The following THEMIS variants were observed in gnomAD, a reference collection of about 807,000 sequenced individuals.
THEMIS encodes the protein protein THEMIS.
Under a neutral mutation model 52.6 loss-of-function variants are expected in THEMIS, and 37 were observed. That is an observed-to-expected ratio of 0.70 (90% CI 0.54 to 0.93). THEMIS has a LOEUF of 0.93. THEMIS is among the 40% of genes least tolerant of loss of function. THEMIS has a pLI of 0.00. For missense variants in THEMIS, 808 were observed against 763.1 expected (o/e 1.06, Z -0.69); for synonymous variants, 292 against 272.7 (o/e 1.07, Z -0.70).
chr6:127,872,624 A>G (rs1197456076), intron 1 of THEMIS, among the ~76,000 whole-genome samples: 1 of 152,100 alleles, frequency 6.6e-6, no homozygotes, highest in Admixed American at 6.6e-5. Flanking sequence ...TTAAATTGGT[A>G]AGGATAATCT....
At chr6:127,856,983 T>G (rs1445540631) in intron 1 of THEMIS, among the ~76,000 whole-genome samples, 1 of 151,948 alleles carries the variant, frequency 6.6e-6, no homozygotes, top group Admixed American at 6.6e-5. Context: ...CCAATTCAAT[T>G]TTAAACTTCA....
chr6:127,785,025 C>T (rs115321067), intron 4 of THEMIS, among the ~76,000 whole-genome samples: 3,359 of 150,096 alleles, frequency 0.022, 140 homozygotes, highest in African/African-American at 0.079. Context: ...TATCTATCTA[C>T]CTATCAATAT....
intron 4 of THEMIS, among the ~76,000 whole-genome samples, chr6:127,794,147 C>T (rs978191448): frequency 6.6e-6 from 1 of 152,188 alleles, no homozygotes; most frequent in Non-Finnish European, 1.5e-5. Flanking sequence ...TGGCTTTGCA[C>T]TTAAAGCAGA....
chr6:127,784,550 A>G (rs986961132), intron 4 of THEMIS, among the ~76,000 whole-genome samples: 8 of 152,156 alleles, frequency 5.3e-5, no homozygotes, highest in Non-Finnish European at 1.2e-4. Context: ...ACACACACAC[A>G]ATTCAGGGAT....
At chr6:127,727,309 T>C (rs1774584010) in intron 4 of THEMIS, among the ~76,000 whole-genome samples, 1 of 152,194 alleles carries the variant, frequency 6.6e-6, no homozygotes, top group Non-Finnish European at 1.5e-5. Context: ...GCAGGAAAAT[T>C]AATCTTATTT....
In THEMIS at chr6:127,855,142, T is replaced by A; in HGVS notation, c.138A>T (p.Gly46=). ...TGAGACCAGTAATTTTAATCACTTC[T>A]CCTGTTGAAAAACAGCATTCATTTC... ...MFGNECCFST[G]EVIKITGLKV... The change falls in exon 2 of 6, where the codon GGA becomes GGT. Residue 46 remains glycine, a synonymous_variant. Coordinates refer to ENST00000368248, the MANE Select transcript of THEMIS (RefSeq NM_001010923.3). 6.2e-7 allele frequency: 1 copy of A among 1,608,694 alleles called. No individual in the cohort carries two copies. Among genetic ancestry groups the A allele is most frequent in the Non-Finnish European group, 8.5e-7 (1 of 1,177,682 alleles).
chr6:127,823,693 G>T (rs1288966724), intron 3 of THEMIS, among the ~76,000 whole-genome samples: 1 of 152,002 alleles, frequency 6.6e-6, no homozygotes, highest in Non-Finnish European at 1.5e-5. Context: ...AGCAGGAGTA[G>T]CAACCAGTCC....
chr6:127,903,105 T>A (rs564245352), upstream of THEMIS, among the ~76,000 whole-genome samples: 24 of 152,078 alleles, frequency 1.6e-4, no homozygotes, highest in Non-Finnish European at 2.8e-4. Context: ...GCCGGAAGGC[T>A]TAGAATCATG....
intron 1 of THEMIS, among the ~76,000 whole-genome samples, chr6:127,912,319 G>A (rs1418138682): frequency 1.3e-5 from 2 of 152,108 alleles, no homozygotes; most frequent in African/African-American, 4.8e-5. Context: ...GATTTTACAG[G>A]CTCATAAGTG....
At chr6:127,730,380 G>GAGAA (rs1387511733) in intron 4 of THEMIS, among the ~76,000 whole-genome samples, 13 of 138,604 alleles carry the variant, frequency 9.4e-5, no homozygotes, top group Non-Finnish European at 1.9e-4. Flanking sequence ...AGAAGAGAAA[G>GAGAA]AGAAAGAAAG....
At chr6:127,746,779 AT>A in intron 4 of THEMIS, among the ~76,000 whole-genome samples, 1 of 56,680 alleles carries the variant, frequency 1.8e-5, no homozygotes, top group Non-Finnish European at 2.8e-5. Context: ...TATATTATAT[AT>A]AATTATATAT....
chr6:127,762,233 G>A (rs1165330976), intron 4 of THEMIS, among the ~76,000 whole-genome samples: 3 of 152,044 alleles, frequency 2.0e-5, no homozygotes, highest in Non-Finnish European at 4.4e-5. Context: ...AGAAAGGGAT[G>A]GTGGTTGTCA....
intron 1 of THEMIS, among the ~76,000 whole-genome samples, chr6:127,888,572 G>T (rs1292561062): frequency 6.6e-6 from 1 of 151,860 alleles, no homozygotes; most frequent in Admixed American, 6.6e-5. Context: ...CTCTCTGTTT[G>T]GTGGCATTAT....
At chr6:127,806,089 C>T (rs372298103) in intron 4 of THEMIS, among the ~76,000 whole-genome samples, 1 of 151,888 alleles carries the variant, frequency 6.6e-6, no homozygotes, top group Non-Finnish European at 1.5e-5. Context: ...AGGAAATTGG[C>T]AATTCAAATG....
At chr6:127,791,687 C>A (rs939995947) in intron 4 of THEMIS, among the ~76,000 whole-genome samples, 1 of 152,156 alleles carries the variant, frequency 6.6e-6, no homozygotes, top group Non-Finnish European at 1.5e-5. Flanking sequence ...GGTGCCCTGG[C>A]TCTTTGTGCC....
At chr6:127,703,409 C>T (rs948389237), downstream of THEMIS, among the ~76,000 whole-genome samples, 1 of 152,136 alleles carries the variant, frequency 6.6e-6, no homozygotes, top group African/African-American at 2.4e-5. Flanking sequence ...AAACCAAACA[C>T]TAAGTTTACT....
At chr6:127,705,064 T>A (rs755571281), downstream of THEMIS, among the ~76,000 whole-genome samples, 8 of 152,178 alleles carry the variant, frequency 5.3e-5, no homozygotes, top group Admixed American at 5.2e-4. Flanking sequence ...GCAATCAAGA[T>A]AAACATAAAC....
intron 4 of THEMIS, among the ~76,000 whole-genome samples, chr6:127,812,453 T>C (rs1235845066): frequency 6.6e-6 from 1 of 152,166 alleles, no homozygotes; most frequent in Non-Finnish European, 1.5e-5. Context: ...TATAGATGCA[T>C]GCTACCAGTA....
At chr6:127,857,223 T>C (rs1191559072) in intron 1 of THEMIS, among the ~76,000 whole-genome samples, 1 of 151,940 alleles carries the variant, frequency 6.6e-6, no homozygotes, top group Non-Finnish European at 1.5e-5. Flanking sequence ...ATAAAGGAAA[T>C]ACAGGGCAAT....
Sources: allele counts gnomAD v4.1 joint callset (sites outside exome capture counted in the v4.1 genomes callset), GRCh38; gene constraint gnomAD v4.1.1; transcripts MANE v1.5; gene names NCBI Gene and HGNC (gene_info 2026-07-23, HGNC 2026-07-21).